SNX24: variants seen among roughly 807,000 people sequenced by gnomAD.
SNX24 encodes sorting nexin-24.
A neutral mutation model predicts 28.7 loss-of-function variants in SNX24; 22 were observed. The ratio of observed to expected loss-of-function variants is 0.77; its 90% confidence interval spans 0.55 to 1.10. SNX24 has a LOEUF of 1.10. Among genes scored for constraint, SNX24 ranks in the 50% least tolerant of loss-of-function variants. The pLI, the probability that SNX24 is intolerant of heterozygous loss-of-function variation, is 0.00. For synonymous variants in SNX24, 69 were observed against 71.5 expected (o/e 0.96, Z 0.18); for missense variants, 221 against 201.1 (o/e 1.10, Z -0.60).
intron 1 of SNX24, among the ~76,000 whole-genome samples, chr5:122,904,740 G>C (rs1757578725): frequency 6.6e-6 from 1 of 152,072 alleles, no homozygotes; most frequent in Non-Finnish European, 1.5e-5. Context: ...GTGACCGAAG[G>C]AACATGTCAA....
At chr5:122,876,211 A>G (rs1446942630) in intron 1 of SNX24, among the ~76,000 whole-genome samples, 1 of 152,164 alleles carries the variant, frequency 6.6e-6, no homozygotes, top group Non-Finnish European at 1.5e-5. Context: ...TGAGCTGGCC[A>G]CAGTACTGAC....
intron 1 of SNX24, among the ~76,000 whole-genome samples, chr5:122,875,038 A>G (rs1756162251): frequency 6.6e-6 from 1 of 152,210 alleles, no homozygotes; most frequent in African/African-American, 2.4e-5. Context: ...ATGATTTATG[A>G]TCTGAATACA....
intron 3 of SNX24, among the ~76,000 whole-genome samples, chr5:122,957,812 T>C (rs753658669): frequency 8.5e-5 from 13 of 152,240 alleles, no homozygotes; most frequent in Admixed American, 2.6e-4. Context: ...GTTTCTTAAT[T>C]TCCTTTTTGG....
chr5:123,011,315 A>G (rs546255923), downstream of SNX24, among the ~76,000 whole-genome samples: 1 of 152,248 alleles, frequency 6.6e-6, no homozygotes, highest in African/African-American at 2.4e-5. Flanking sequence ...ATGCTACCTT[A>G]TGCAGTGCCT....
At chr5:123,001,855 G>T in intron 5 of SNX24, 85 bp from the exon 6 acceptor site, 1 of 1,140,380 alleles carries the variant, frequency 8.8e-7, no homozygotes, top group Non-Finnish European at 1.3e-6. Flanking sequence ...CCGCACAGCA[G>T]TTTGATCCCC....
At chr5:122,877,149 T>C (rs1406932580) in intron 1 of SNX24, among the ~76,000 whole-genome samples, 1 of 152,066 alleles carries the variant, frequency 6.6e-6, no homozygotes, top group Non-Finnish European at 1.5e-5. Flanking sequence ...GGAGAATGTA[T>C]GAGTTGCTTT....
intron 1 of SNX24, among the ~76,000 whole-genome samples, chr5:122,864,265 T>G (rs1464251355): frequency 6.6e-6 from 1 of 152,158 alleles, no homozygotes; most frequent in Non-Finnish European, 1.5e-5. Flanking sequence ...GGATTCCTGA[T>G]AGCTCTTGGT....
chr5:122,852,924 A>G (rs544445331), intron 1 of SNX24, among the ~76,000 whole-genome samples: 111 of 152,046 alleles, frequency 7.3e-4, no homozygotes, highest in Non-Finnish European at 1.4e-3. Flanking sequence ...GGGCAGCAGG[A>G]TGTCAGGAAG....
At chr5:122,924,159 CTA>C (rs1758568774) in intron 1 of SNX24, among the ~76,000 whole-genome samples, 1 of 152,112 alleles carries the variant, frequency 6.6e-6, no homozygotes, top group African/African-American at 2.4e-5. Flanking sequence ...CTTATATGTG[CTA>C]TGTTTTTTCC....
chr5:122,927,479 A>G (rs1187010758), intron 1 of SNX24, among the ~76,000 whole-genome samples: 1 of 152,194 alleles, frequency 6.6e-6, no homozygotes, highest in Non-Finnish European at 1.5e-5. Context: ...GACACAATTC[A>G]TTTATTAATT....
At chr5:123,006,690 C>T (rs992340254) in intron 6 of SNX24, among the ~76,000 whole-genome samples, 1 of 152,196 alleles carries the variant, frequency 6.6e-6, no homozygotes, top group Non-Finnish European at 1.5e-5. Context: ...ACTTTTCTCA[C>T]TATGTTGGCT....
chr5:122,911,501 T>C (rs1249033018), intron 1 of SNX24, among the ~76,000 whole-genome samples: 2 of 151,364 alleles, frequency 1.3e-5, no homozygotes, highest in African/African-American at 4.9e-5. Context: ...ATTTTGGCTT[T>C]TGTTGCCATT....
chr5:122,977,221 T>A (rs1434091755), intron 3 of SNX24, among the ~76,000 whole-genome samples: 1 of 152,198 alleles, frequency 6.6e-6, no homozygotes, highest in Non-Finnish European at 1.5e-5. Context: ...TAAAAGTGAA[T>A]TTTTACTTGT....
intron 3 of SNX24, among the ~76,000 whole-genome samples, chr5:122,967,354 T>C (rs1760753964): frequency 6.6e-6 from 1 of 152,130 alleles, no homozygotes; most frequent in African/African-American, 2.4e-5. Context: ...TTTTCCTCAG[T>C]AGACAACGTG....
At chr5:122,982,669 T>G (rs1402494222) in intron 3 of SNX24, among the ~76,000 whole-genome samples, 2 of 152,194 alleles carry the variant, frequency 1.3e-5, no homozygotes, top group Non-Finnish European at 2.9e-5. Flanking sequence ...ATTATTACAA[T>G]GTAATATGTG....
At chr5:122,877,392 T>C (rs1041472028) in intron 1 of SNX24, among the ~76,000 whole-genome samples, 3 of 152,084 alleles carry the variant, frequency 2.0e-5, no homozygotes, top group African/African-American at 7.2e-5. Flanking sequence ...GCAGAATGTT[T>C]CCAAAGAGGT....
chr5:122,945,172 A>G (rs1257465434), intron 2 of SNX24, among the ~76,000 whole-genome samples: 2 of 152,046 alleles, frequency 1.3e-5, no homozygotes, highest in Non-Finnish European at 2.9e-5. Context: ...CTCTTTCTCC[A>G]TCGTCAGAGT....
At chr5:123,004,725 T>G (rs913310817) in intron 6 of SNX24, among the ~76,000 whole-genome samples, 2 of 152,176 alleles carry the variant, frequency 1.3e-5, no homozygotes, top group African/African-American at 4.8e-5. Context: ...CCTGGAATTC[T>G]TTCTGGGCCT....
intron 1 of SNX24, among the ~76,000 whole-genome samples, chr5:122,868,562 A>C (rs1755824380): frequency 6.6e-6 from 1 of 152,174 alleles, no homozygotes; most frequent in Admixed American, 6.5e-5. Context: ...TACTTCAGGC[A>C]CCATTGGATC....
Sources: allele counts gnomAD v4.1 joint callset (sites outside exome capture counted in the v4.1 genomes callset), GRCh38; gene constraint gnomAD v4.1.1; transcripts MANE v1.5; gene names NCBI Gene and HGNC (gene_info 2026-07-23, HGNC 2026-07-21).